The following TNS3 variants were observed in gnomAD, a reference collection of about 807,000 sequenced individuals.
TNS3 encodes the protein tensin 3.
Under a neutral mutation model 140.9 loss-of-function variants are expected in TNS3, and 45 were observed. That is an observed-to-expected ratio of 0.32 (90% CI 0.25 to 0.41). The LOEUF (loss-of-function observed/expected upper bound fraction) is 0.41, where lower values mean the gene tolerates loss of function less well. TNS3 is among the 10% of genes least tolerant of loss of function. TNS3 has a pLI of 1.00. For synonymous variants in TNS3, 815 were observed against 788.4 expected (o/e 1.03, Z -0.56); for missense variants, 1,716 against 1,906.7 (o/e 0.90, Z 1.86).
intron 1 of TNS3, among the ~76,000 whole-genome samples, chr7:47,556,511 G>A (rs1012042771): frequency 3.3e-5 from 5 of 152,180 alleles, no homozygotes; most frequent in Admixed American, 1.3e-4. Context: ...GTAGGGAACC[G>A]AGGACGACAG....
At chr7:47,575,582 G>A (rs981279562) in intron 1 of TNS3, among the ~76,000 whole-genome samples, 14 of 152,080 alleles carry the variant, frequency 9.2e-5, no homozygotes, top group Admixed American at 2.0e-4. Context: ...TTGGGAGGCC[G>A]AGGAGGGCGG....
At chr7:47,317,334 A>G (rs1787470796) in intron 20 of TNS3, among the ~76,000 whole-genome samples, 2 of 152,238 alleles carry the variant, frequency 1.3e-5, no homozygotes, top group Non-Finnish European at 2.9e-5. Flanking sequence ...CTTCCTTTTA[A>G]GCAATAACAC....
Position 47,400,439 on chromosome 7 carries a change from A to G in TNS3, c.873T>C (p.Tyr291=), listed in dbSNP as rs199736681. The change falls in exon 15 of 31, where the codon TAT becomes TAC. Residue 291 remains tyrosine (Y), a synonymous_variant. Coordinates refer to ENST00000311160, the MANE Select transcript of TNS3 (RefSeq NM_022748.12). ...NASKDDRFPD[Y]GKVELVFSAT... is the part of the protein sequence containing the mutation. Reference sequence around the variant, plus strand: ...CAGAGAAGACTAATTCAACCTTCCCATAGTCAGGAAAACGGTCATCTGAAA... The same window carrying G: ...CAGAGAAGACTAATTCAACCTTCCCGTAGTCAGGAAAACGGTCATCTGAAA... 84 of 1,614,124 alleles carry G rather than the reference A, an allele frequency of 5.2e-5. No homozygotes were observed. The East Asian group carries it at 1.8e-3, about 34-fold the overall frequency.
intron 1 of TNS3, among the ~76,000 whole-genome samples, chr7:47,575,696 G>A (rs1162864120): frequency 2.0e-5 from 3 of 151,712 alleles, no homozygotes; most frequent in African/African-American, 7.2e-5. Flanking sequence ...AGTGGCAGGC[G>A]CCTGTAGTCC....
chr7:47,532,192 C>T (rs1376749918), intron 1 of TNS3, among the ~76,000 whole-genome samples: 1 of 152,160 alleles, frequency 6.6e-6, no homozygotes, highest in Non-Finnish European at 1.5e-5. Context: ...CCTTGAATGG[C>T]AGCGGTAGGC....
chr7:47,502,465 C>T (rs1450305240), intron 3 of TNS3, among the ~76,000 whole-genome samples: 3 of 152,180 alleles, frequency 2.0e-5, no homozygotes, highest in Admixed American at 2.0e-4. Flanking sequence ...TGGCAGAGGA[C>T]CAAGTCTTTG....
In TNS3 at chr7:47,368,661, C is replaced by T. The variant is rs1219528214; in HGVS notation, c.1985G>A (p.Ser662Asn). 6.2e-7 allele frequency: 1 copy of T among 1,600,978 alleles called. No homozygotes were observed. Among genetic ancestry groups the T allele is most frequent in the Middle Eastern group, 1.7e-4 (1 of 5,994 alleles). The change falls in exon 17 of 31, where the codon AGC becomes AAC. Residue 662 changes from serine (S) to asparagine (N), a missense_variant. This residue lies in a region of TNS3 where 1,163 missense variants were observed against 1,182.1 expected (regional missense o/e 0.98). Coordinates refer to ENST00000311160, the MANE Select transcript of TNS3 (RefSeq NM_022748.12). ...TGGAAACCTGGGTTTGAACGCTTTG[C>T]TGGGAGAGGGCTGCTGTGTGTCAGG... ...HPPDTQQPSP[S>N]KAFKPRFPGD...
intron 1 of TNS3, among the ~76,000 whole-genome samples, chr7:47,542,455 C>G (rs970077579): frequency 2.0e-5 from 3 of 152,172 alleles, no homozygotes; most frequent in Non-Finnish European, 4.4e-5. Context: ...CCCTGATTCC[C>G]GATTCCTAGC....
At chr7:47,473,820 GTGTTTTGT>G (rs1417691011) in intron 4 of TNS3, among the ~76,000 whole-genome samples, 1 of 152,136 alleles carries the variant, frequency 6.6e-6, no homozygotes, top group Admixed American at 6.5e-5. Flanking sequence ...GAAAGTGTGG[GTGTTTTGT>G]TGGAAATTTG....
intron 8 of TNS3, among the ~76,000 whole-genome samples, chr7:47,431,956 T>C (rs901371197): frequency 6.6e-6 from 1 of 152,142 alleles, no homozygotes; most frequent in Non-Finnish European, 1.5e-5. Flanking sequence ...TACAACCTAC[T>C]AAGACTGAAT....
chr7:47,315,841 T>C (rs1212348332), intron 20 of TNS3, among the ~76,000 whole-genome samples: 1 of 152,252 alleles, frequency 6.6e-6, no homozygotes, highest in Admixed American at 6.5e-5. Context: ...CCCGTGTTCC[T>C]GATAAGGCAT....
At chr7:47,338,492 T>C (rs1006442945) in intron 20 of TNS3, among the ~76,000 whole-genome samples, 2 of 152,212 alleles carry the variant, frequency 1.3e-5, no homozygotes, top group Non-Finnish European at 2.9e-5. Context: ...GTGACATGTC[T>C]CTTTTTTTCT....
intron 2 of TNS3, among the ~76,000 whole-genome samples, chr7:47,512,253 C>T (rs1798638193): frequency 6.6e-6 from 1 of 152,188 alleles, no homozygotes; most frequent in Non-Finnish European, 1.5e-5. Flanking sequence ...AAGCAAACAT[C>T]TACCATGAGC....
At chr7:47,559,272 C>T (rs1483772958) in intron 1 of TNS3, among the ~76,000 whole-genome samples, 2 of 152,156 alleles carry the variant, frequency 1.3e-5, no homozygotes, top group African/African-American at 4.8e-5. Flanking sequence ...ACTGCTTGAA[C>T]CTGAGAGGTG....
chr7:47,483,368 A>G lies in TNS3; in HGVS notation c.-114-2227T>C, dbSNP rs187096160. On this transcript the variant is annotated intron_variant, in intron 3 of 30. Coordinates refer to ENST00000311160, the MANE Select transcript of TNS3 (RefSeq NM_022748.12). ...GTATTTTTAGTAGAGATGGGGTTTCACTGTGTGAGCCAGGATAGTCTCGAT... is the reference window on the plus strand; with the variant it reads ...GTATTTTTAGTAGAGATGGGGTTTCGCTGTGTGAGCCAGGATAGTCTCGAT... Among the ~76,000 whole-genome samples the G allele has an allele frequency of 5.8e-3, 884 of 152,100 alleles. 6 individuals are homozygous for G. The highest frequency in any genetic ancestry group is 7.5e-3 in the Admixed American group (114 of 15,290).
At chr7:47,467,861 G>T (rs1004871034) in intron 4 of TNS3, among the ~76,000 whole-genome samples, 1 of 152,282 alleles carries the variant, frequency 6.6e-6, no homozygotes, top group East Asian at 1.9e-4. Flanking sequence ...CCCACAGCAC[G>T]CTGGCTGTCC....
At chr7:47,419,315 C>T (rs890013603) in intron 10 of TNS3, among the ~76,000 whole-genome samples, 2 of 152,312 alleles carry the variant, frequency 1.3e-5, no homozygotes, top group Non-Finnish European at 1.5e-5. Flanking sequence ...ACCCTTTTTC[C>T]GCAGGCTGTG....
chr7:47,506,811 C>A lies in TNS3; in HGVS notation c.-115+96G>T, dbSNP rs752140558. ...TGGCTTTCCTAAAGAGTTTTCTTTC[C>A]GTGGCTGCAGTCCAAAGAGGCCCCC... On this transcript the variant is annotated intron_variant, in intron 3 of 30. Coordinates refer to ENST00000311160, the MANE Select transcript of TNS3 (RefSeq NM_022748.12). 88 of 961,420 alleles carry A rather than the reference C, an allele frequency of 9.2e-5. 1 individual carries two copies. In the African/African-American group the frequency reaches 1.5e-3, roughly 16 times the overall value. The allele number at this position is 961,420 out of a possible 1,614,324, so 59.6% of individuals were successfully genotyped here. A position where few individuals can be genotyped will look rare whatever the true frequency, so the allele number is the denominator to read the frequency against.
At chr7:47,472,012 A>C (rs905397311) in intron 4 of TNS3, among the ~76,000 whole-genome samples, 2 of 152,176 alleles carry the variant, frequency 1.3e-5, no homozygotes, top group African/African-American at 4.8e-5. Context: ...GCTCCTTCTG[A>C]GAGCCCCAGG....
Sources: allele counts gnomAD v4.1 joint callset (sites outside exome capture counted in the v4.1 genomes callset), GRCh38; gene constraint gnomAD v4.1.1; regional missense constraint gnomAD v4.1.1; transcripts MANE v1.5; gene names NCBI Gene and HGNC (gene_info 2026-07-23, HGNC 2026-07-21).